The following CHODL variants were observed in gnomAD, a reference collection of about 807,000 sequenced individuals.
CHODL encodes transmembrane protein MT75.
CHODL carries 29 observed loss-of-function variants against 34.5 expected under a neutral mutation model. The observed-to-expected ratio is 0.84, with a 90% CI of 0.63 to 1.15. The LOEUF (loss-of-function observed/expected upper bound fraction) is 1.15. Ranked by LOEUF, CHODL falls within the 50% of genes most tolerant of loss-of-function variation. The pLI, the probability that CHODL is intolerant of heterozygous loss-of-function variation, is 0.00. For synonymous variants in CHODL, 125 were observed against 116.1 expected, an observed-to-expected ratio of 1.08 and a Z score of -0.49; for missense variants, 332 against 332.5, an observed-to-expected ratio of 1.00 and a Z score of 0.01.
intron 1 of CHODL, among the ~76,000 whole-genome samples, chr21:17,919,905 A>G (rs2146308207): frequency 6.6e-6 from 1 of 152,320 alleles, no homozygotes; most frequent in East Asian, 1.9e-4. Context: ...AGAGTCCTGC[A>G]AATCTCTAGG....
At chr21:17,991,585 T>C (rs1294636540) in intron 1 of CHODL, among the ~76,000 whole-genome samples, 4 of 152,112 alleles carry the variant, frequency 2.6e-5, no homozygotes, top group Non-Finnish European at 4.4e-5. Context: ...AATATACCTA[T>C]TGGCCATTTG....
intron 1 of CHODL, among the ~76,000 whole-genome samples, chr21:17,945,426 T>C (rs115545349): frequency 0.014 from 2,096 of 151,926 alleles, 47 homozygotes; most frequent in South Asian, 0.052. Flanking sequence ...AAGAACCACA[T>C]AGAAATCTTA....
chr21:18,040,065 TA>T (rs2064356345), intron 2 of CHODL, among the ~76,000 whole-genome samples: 1 of 151,814 alleles, frequency 6.6e-6, no homozygotes, highest in African/African-American at 2.4e-5. Context: ...TCAAAAGAAA[TA>T]TGTTATTTAA....
At chr21:17,997,371 C>A (rs542145251) in intron 1 of CHODL, among the ~76,000 whole-genome samples, 1 of 152,280 alleles carries the variant, frequency 6.6e-6, no homozygotes, top group East Asian at 1.9e-4. Context: ...CTGATTCCTC[C>A]AGGGACTTGC....
upstream of CHODL, among the ~76,000 whole-genome samples, chr21:18,244,357 T>C (rs530955508): frequency 2.4e-4 from 37 of 152,338 alleles, no homozygotes; most frequent in Middle Eastern, 6.8e-3. Flanking sequence ...GATAATCTAT[T>C]TGCAGAACCT....
chr21:18,219,162 A>T (rs2146735672), intron 2 of CHODL, among the ~76,000 whole-genome samples: 1 of 152,294 alleles, frequency 6.6e-6, no homozygotes, highest in South Asian at 2.1e-4. Context: ...GAACTGCCTG[A>T]GACTTGGTAA....
At chr21:18,209,651 AC>A (rs1358455697) in intron 2 of CHODL, among the ~76,000 whole-genome samples, 2 of 152,152 alleles carry the variant, frequency 1.3e-5, no homozygotes, top group Middle Eastern at 3.2e-3. Flanking sequence ...TGAAGCCAGC[AC>A]AGCTCTGAGT....
At chr21:18,184,035 A>C (rs2824692) in intron 2 of CHODL, among the ~76,000 whole-genome samples, 46,757 of 152,104 alleles carry the variant, frequency 0.31, 8,651 homozygotes, top group East Asian at 0.8. Flanking sequence ...CTTTGGACTC[A>C]AAATGAGATT....
chr21:18,229,409 T>A (rs1169830150), intron 2 of CHODL, among the ~76,000 whole-genome samples: 2 of 152,160 alleles, frequency 1.3e-5, no homozygotes, highest in Non-Finnish European at 2.9e-5. Flanking sequence ...GTTCGATATA[T>A]CTGGCATTCT....
At position 18,147,462 on chromosome 21, in the gene CHODL, G is replaced by A. The variant is rs78440024; in HGVS notation, c.-44-109047G>A. On this transcript the variant is annotated intron_variant, in intron 2 of 6. Coordinates refer to the CHODL transcript ENST00000400127. ...AGCTGCCTAAAATGTGGCTAAATCT[G>A]CTAAATAAAAAGACAAGATCTTAGA... Among the ~76,000 whole-genome samples the A allele has an allele frequency of 1.9e-3, 282 of 152,280 alleles. 2 individuals carry two copies. Among genetic ancestry groups the A allele is most frequent in the African/African-American group, 6.5e-3 (271 of 41,538 alleles).
At chr21:18,049,911 C>T (rs191460388) in intron 2 of CHODL, among the ~76,000 whole-genome samples, 48 of 152,070 alleles carry the variant, frequency 3.2e-4, no homozygotes, top group Admixed American at 5.9e-4. Context: ...TCCATCTGCC[C>T]GTGTTTGTTG....
intron 2 of CHODL, among the ~76,000 whole-genome samples, chr21:18,201,421 C>A (rs964138222): frequency 2.0e-5 from 3 of 151,804 alleles, no homozygotes; most frequent in African/African-American, 7.3e-5. Context: ...AAACTCAGTT[C>A]CCATAGGGTA....
At chr21:18,235,248 G>C (rs973085303) in intron 2 of CHODL, among the ~76,000 whole-genome samples, 3 of 152,064 alleles carry the variant, frequency 2.0e-5, no homozygotes, top group Non-Finnish European at 4.4e-5. Flanking sequence ...AAAAGCTTTA[G>C]AGCAGATGAA....
intron 1 of CHODL, chr21:18,024,601 C>A (rs925627689): frequency 1.3e-5 from 2 of 152,182 alleles, no homozygotes; most frequent in African/African-American, 4.8e-5. Context: ...TGGCACTTTT[C>A]TGGAACTGGC....
At chr21:18,028,222 C>T (rs2064198384) in intron 2 of CHODL, among the ~76,000 whole-genome samples, 1 of 93,904 alleles carries the variant, frequency 1.1e-5, no homozygotes. Flanking sequence ...CCCCTCCCCT[C>T]CCCTCCCCTC....
chr21:18,013,993 T>C (rs1338289158), intron 1 of CHODL, among the ~76,000 whole-genome samples: 1 of 152,136 alleles, frequency 6.6e-6, no homozygotes, highest in South Asian at 2.1e-4. Flanking sequence ...GATCTTCATT[T>C]AGTTGGCTTT....
rs566226854 is a variant in CHODL at position 18,150,645 on chromosome 21, G to A, written c.-44-105864G>A. ...TCCCATTCAGGGGAACTCCACCTGC[G>A]TGACCTAATTACCTCCTATGATACG... is the stretch of plus-strand genomic sequence containing the variant. On this transcript the variant is annotated intron_variant, in intron 2 of 6. Transcript: ENST00000400127. Among the ~76,000 whole-genome samples the A allele has an allele frequency of 7.9e-5, 12 of 152,220 alleles. No homozygotes were observed. In the East Asian group the frequency reaches 1.7e-3, roughly 22 times the overall value.
chr21:18,022,556 G>C (rs2064137625), intron 1 of CHODL: 1 of 152,054 alleles, frequency 6.6e-6, no homozygotes, highest in Non-Finnish European at 1.5e-5. Context: ...TTTGAGATTT[G>C]GGTATCTCGA....
intron 1 of CHODL, among the ~76,000 whole-genome samples, chr21:17,929,904 G>C (rs2063258015): frequency 6.6e-6 from 1 of 152,074 alleles, no homozygotes; most frequent in Non-Finnish European, 1.5e-5. Flanking sequence ...CAGGGTAGAG[G>C]AGCAAGCACA....
Sources: gnomAD v4.1 joint callset for allele counts (sites outside exome capture counted in the v4.1 genomes callset) on GRCh38, gnomAD v4.1.1 for gene constraint, MANE v1.5 for transcripts, NCBI Gene and HGNC (gene_info 2026-07-23, HGNC 2026-07-21) for gene names.